The following RAD9B variants were observed in gnomAD, a reference collection of about 807,000 sequenced individuals.
The protein encoded by RAD9B is RAD9 checkpoint clamp component B.
A neutral mutation model predicts 48.3 loss-of-function variants in RAD9B; 41 were observed. The observed-to-expected ratio is 0.85, with a 90% CI of 0.66 to 1.10. The LOEUF is 1.10. RAD9B is among the 50% of genes least tolerant of loss of function. The pLI is 0.00. For synonymous variants in RAD9B, 160 were observed against 157.9 expected (o/e 1.01, Z -0.10); for missense variants, 444 against 485.1 (o/e 0.92, Z 0.80).
At chr12:110,528,000 A>G (rs1213570214) in intron 10 of RAD9B, among the ~76,000 whole-genome samples, 2 of 152,180 alleles carry the variant, frequency 1.3e-5, no homozygotes, top group East Asian at 3.9e-4. Flanking sequence ...AGAGGGAGAC[A>G]GTGGCACAAG....
chr12:110,526,908 C>CA (rs113540015), intron 10 of RAD9B, among the ~76,000 whole-genome samples: 2,003 of 72,184 alleles, frequency 0.028, 11 homozygotes, highest in Middle Eastern at 0.062. Context: ...GACTCCATCT[C>CA]AAAAAAAAAA....
intron 6 of RAD9B, 95 bp from the exon 7 acceptor site, chr12:110,518,581 T>G: frequency 1.4e-6 from 1 of 726,458 alleles, no homozygotes; most frequent in East Asian, 2.8e-5. Context: ...CAGGAGGAAA[T>G]GGGATGGGAT....
rs2064117364 is a variant in RAD9B, at chr12:110,530,805, C to T, written c.*152C>T. 12 of 1,427,214 alleles carry T rather than the reference C, an allele frequency of 8.4e-6. No individual in the cohort carries two copies. In the East Asian group the frequency reaches 2.9e-4, roughly 35 times the overall value. The allele number at this position is 1,427,214 out of a possible 1,614,324, so 88.4% of individuals were successfully genotyped here. ...TAAACCACATCATCTTGTACAACAA[C>T]CATATCTAGAAATAGCTGTTTGTCA... is the stretch of plus-strand genomic sequence containing the variant. On this transcript the variant is annotated 3_prime_UTR_variant, in exon 11 of 11. Transcript: ENST00000409300.
chr12:110,519,413 TTGTTGTTGTTG>T (rs2063706771), intron 8 of RAD9B, among the ~76,000 whole-genome samples: 1 of 145,176 alleles, frequency 6.9e-6, no homozygotes, highest in African/African-American at 2.5e-5. Flanking sequence ...CTACTGTTTG[TTGTTGTTGTTG>T]TTGTTGTTGT....
intron 4 of RAD9B, among the ~76,000 whole-genome samples, chr12:110,507,504 TAA>T (rs2063328403): frequency 3.8e-5 from 1 of 26,238 alleles, no homozygotes; most frequent in African/African-American, 7.9e-5. Context: ...ATATATGTAT[TAA>T]ATATAATACA....
At chr12:110,515,770 A>C (rs2063585870) in intron 6 of RAD9B, among the ~76,000 whole-genome samples, 1 of 152,186 alleles carries the variant, frequency 6.6e-6, no homozygotes, top group Non-Finnish European at 1.5e-5. Context: ...GAGGATACAA[A>C]GGAAAGAACT....
chr12:110,506,843 C>CTTTT (rs144653649), intron 4 of RAD9B, 150 bp downstream of exon 4: 1 of 374,342 alleles, frequency 2.7e-6, no homozygotes, highest in South Asian at 2.7e-5. Context: ...AAGTATTATC[C>CTTTT]TTTTTTTTTT....
chr12:110,527,175 TCTTTG>T (rs1173955247), intron 10 of RAD9B, among the ~76,000 whole-genome samples: 1 of 151,994 alleles, frequency 6.6e-6, no homozygotes, highest in Non-Finnish European at 1.5e-5. Flanking sequence ...CCACTTCCAT[TCTTTG>T]CTTTGTAGTT....
At chr12:110,507,778 G>T (rs111303455) in intron 4 of RAD9B, among the ~76,000 whole-genome samples, 2 of 151,270 alleles carry the variant, frequency 1.3e-5, no homozygotes, top group Admixed American at 6.6e-5. Flanking sequence ...AGCCTGCTGA[G>T]TAGCTAGGAT....
chr12:110,507,454 CGTATTAAGTATAATATATAT>C, intron 4 of RAD9B, among the ~76,000 whole-genome samples: 1 of 123,264 alleles, frequency 8.1e-6, no homozygotes, highest in African/African-American at 3.1e-5. Flanking sequence ...ATATATAACA[CGTATTAAGTATAATATATAT>C]GTATTAAATA....
chr12:110,518,048 G>A (rs1473905161), intron 6 of RAD9B, among the ~76,000 whole-genome samples: 5 of 151,980 alleles, frequency 3.3e-5, no homozygotes, highest in South Asian at 4.2e-4. Flanking sequence ...AAAATTAGCC[G>A]AGTGTGGTGG....
At chr12:110,511,563 G>A (rs954467806) in intron 4 of RAD9B, 27 of 430,740 alleles carry the variant, frequency 6.3e-5, no homozygotes, top group Non-Finnish European at 1.1e-4. Flanking sequence ...GTAGATACCA[G>A]AGGCTGGTAA....
chr12:110,512,970 A>ATTTT, intron 5 of RAD9B, 92 bp downstream of exon 5: 4 of 564,090 alleles, frequency 7.1e-6, no homozygotes, highest in East Asian at 3.6e-5. Flanking sequence ...CAGTCGGCAC[A>ATTTT]TTTTTTTTTT....
chr12:110,514,461 A>T (rs1485495802), intron 5 of RAD9B, among the ~76,000 whole-genome samples: 1 of 152,236 alleles, frequency 6.6e-6, no homozygotes, highest in Non-Finnish European at 1.5e-5. Context: ...TGCAAATCAA[A>T]CAATTTTCAA....
At chr12:110,522,447 G>C (rs778826181) in intron 10 of RAD9B, 36 bp downstream of exon 10, 8 of 1,428,000 alleles carry the variant, frequency 5.6e-6, no homozygotes, top group Non-Finnish European at 7.8e-6. Flanking sequence ...TCTCAGTCAA[G>C]AATTCTCATC....
At chr12:110,504,531 T>G (rs558652478) in intron 2 of RAD9B, among the ~76,000 whole-genome samples, 1 of 150,568 alleles carries the variant, frequency 6.6e-6, no homozygotes, top group African/African-American at 2.4e-5. Context: ...CTCTTGAAAA[T>G]TCAGAAGACC....
chr12:110,506,380 G>A (rs947216210), intron 3 of RAD9B, among the ~76,000 whole-genome samples, 199 bp from the exon 4 acceptor site: 2 of 150,802 alleles, frequency 1.3e-5, no homozygotes, highest in Non-Finnish European at 2.9e-5. Flanking sequence ...AGTAGAGACG[G>A]GGTTTCACTG....
At chr12:110,502,546 A>C in intron 1 of RAD9B, 163 bp downstream of exon 1, 1 of 737,128 alleles carries the variant, frequency 1.4e-6, no homozygotes, top group Non-Finnish European at 2.3e-6. Context: ...TTAACTTCTG[A>C]GGGGAGGATG....
chr12:110,529,008 G>A (rs1277448009), intron 10 of RAD9B, among the ~76,000 whole-genome samples: 5 of 152,008 alleles, frequency 3.3e-5, no homozygotes, highest in South Asian at 4.1e-4. Context: ...GATTACAGGC[G>A]TGAGCTACCG....
Sources: allele counts gnomAD v4.1 joint callset (sites outside exome capture counted in the v4.1 genomes callset), GRCh38; gene constraint gnomAD v4.1.1; transcripts MANE v1.5; gene names NCBI Gene and HGNC (gene_info 2026-07-23, HGNC 2026-07-21).